The following IL1RAPL1 variants were observed in gnomAD, a reference collection of about 807,000 sequenced individuals.
IL1RAPL1 encodes the protein interleukin-1 receptor accessory protein-like 1.
IL1RAPL1 carries 3 observed loss-of-function variants against 48.4 expected under a neutral mutation model. The ratio of observed to expected loss-of-function variants is 0.06; its 90% CI spans 0.03 to 0.16. The LOEUF (loss-of-function observed/expected upper bound fraction) is 0.16. Ranked by LOEUF, IL1RAPL1 falls within the 10% of genes least tolerant of loss-of-function variation. IL1RAPL1 has a pLI of 1.00. For missense variants in IL1RAPL1, 349 were observed against 530.6 expected (o/e 0.66, Z 3.36); for synonymous variants, 185 against 187.7 (o/e 0.99, Z 0.12).
chrX:29,407,057 C>T (rs1424977895), intron 5 of IL1RAPL1, among the ~76,000 whole-genome samples: 2 of 111,822 alleles, frequency 1.8e-5, no homozygotes, highest in African/African-American at 6.5e-5. Context: ...ATAAGAAATA[C>T]AGAATCCAGT....
chrX:29,946,871 T>C (rs1933222312), intron 9 of IL1RAPL1, among the ~76,000 whole-genome samples: 1 of 112,152 alleles, frequency 8.9e-6, no homozygotes, highest in Non-Finnish European at 1.9e-5. Context: ...TGGGAATGTG[T>C]TTCTAAATTG....
chrX:29,598,444 T>C (rs1410120023), intron 5 of IL1RAPL1, among the ~76,000 whole-genome samples: 2 of 112,106 alleles, frequency 1.8e-5, no homozygotes, highest in East Asian at 2.8e-4. Context: ...TTGTGGCCTA[T>C]TATGTGGTCT....
chrX:29,933,891 G>GAGACTTGA (rs1351952276), intron 8 of IL1RAPL1, among the ~76,000 whole-genome samples: 2 of 110,228 alleles, frequency 1.8e-5, no homozygotes. Context: ...CGTATGAGCA[G>GAGACTTGA]AGACTTGAAG....
At chrX:28,994,379 A>C (rs757688082) in intron 2 of IL1RAPL1, among the ~76,000 whole-genome samples, 37 of 111,728 alleles carry the variant, frequency 3.3e-4, no homozygotes, top group African/African-American at 1.2e-3. Flanking sequence ...TGATTGCCGG[A>C]ATGACTGGAA....
intron 2 of IL1RAPL1, among the ~76,000 whole-genome samples, chrX:28,998,184 TTTAA>T (rs1925765914): frequency 9.0e-6 from 1 of 110,854 alleles, no homozygotes; most frequent in Non-Finnish European, 1.9e-5. Context: ...CTCAGGATGG[TTTAA>T]TTGCCTTAAA....
chrX:29,601,973 T>G (rs1316673549), intron 5 of IL1RAPL1, among the ~76,000 whole-genome samples: 1 of 112,224 alleles, frequency 8.9e-6, no homozygotes, highest in African/African-American at 3.2e-5. Flanking sequence ...TTGTTTGTTT[T>G]TTTGTTTGTT....
chrX:29,904,332 T>C (rs983315349), intron 6 of IL1RAPL1, among the ~76,000 whole-genome samples: 1 of 108,629 alleles, frequency 9.2e-6, no homozygotes, highest in African/African-American at 3.4e-5. Flanking sequence ...TGGACTTAAA[T>C]AAAGATAAAA....
intron 2 of IL1RAPL1, among the ~76,000 whole-genome samples, chrX:29,131,048 C>T (rs982551635): frequency 9.0e-5 from 10 of 111,608 alleles, no homozygotes; most frequent in African/African-American, 3.3e-4. Context: ...GAGAAGAAAA[C>T]CGTGTTTTAC....
intron 5 of IL1RAPL1, among the ~76,000 whole-genome samples, chrX:29,463,207 A>C (rs67606739): frequency 0.073 from 7,575 of 103,964 alleles, 448 homozygotes; most frequent in African/African-American, 0.2. Context: ...AAAAAAAAAA[A>C]CCCACATTAT....
intron 3 of IL1RAPL1, among the ~76,000 whole-genome samples, chrX:29,371,597 C>T (rs1357927425): frequency 4.5e-5 from 5 of 111,704 alleles, no homozygotes; most frequent in African/African-American, 1.3e-4. Context: ...CTGTCCTTCC[C>T]TTTCCCTCTA....
At chrX:29,751,404 T>C (rs1928459274) in intron 6 of IL1RAPL1, among the ~76,000 whole-genome samples, 1 of 111,850 alleles carries the variant, frequency 8.9e-6, no homozygotes, top group Admixed American at 9.6e-5. Context: ...ACTATATGTA[T>C]AAATTTACTA....
intron 2 of IL1RAPL1, among the ~76,000 whole-genome samples, chrX:28,866,430 T>C (rs1431331646): frequency 9.0e-6 from 1 of 111,392 alleles, no homozygotes; most frequent in African/African-American, 3.3e-5. Flanking sequence ...GTTCAGTGTA[T>C]ACTGCTCGGG....
At chrX:28,866,529 T>TAATA (rs56238119) in intron 2 of IL1RAPL1, among the ~76,000 whole-genome samples, 50 of 108,612 alleles carry the variant, frequency 4.6e-4, no homozygotes, top group Admixed American at 7.0e-4. Flanking sequence ...ACTATGGAAA[T>TAATA]AATAAATAAA....
At chrX:29,436,025 T>C (rs181013511) in intron 5 of IL1RAPL1, among the ~76,000 whole-genome samples, 66 of 109,737 alleles carry the variant, frequency 6.0e-4, no homozygotes, top group Admixed American at 2.7e-3. Flanking sequence ...AATACCAATA[T>C]ATAAACCATT....
intron 2 of IL1RAPL1, among the ~76,000 whole-genome samples, chrX:28,854,706 G>A (rs1921758887): frequency 9.0e-6 from 1 of 111,507 alleles, no homozygotes; most frequent in South Asian, 3.8e-4. Context: ...GGCAGGGGAA[G>A]GGGAGAGAAA....
At chrX:29,792,138 C>T (rs748276461) in intron 6 of IL1RAPL1, among the ~76,000 whole-genome samples, 2 of 111,681 alleles carry the variant, frequency 1.8e-5, no homozygotes, top group Admixed American at 9.5e-5. Context: ...TCAGGCTTTT[C>T]TGCTCATTCA....
chrX:29,667,299 T>C (rs774451933), intron 5 of IL1RAPL1, among the ~76,000 whole-genome samples: 1 of 112,095 alleles, frequency 8.9e-6, no homozygotes, highest in Admixed American at 9.5e-5. Context: ...TAATGTGTTT[T>C]CCTTTAAAAA....
intron 8 of IL1RAPL1, 114 bp from the exon 9 acceptor site, chrX:29,941,537 A>AC: frequency 1.3e-6 from 1 of 772,670 alleles, no homozygotes; most frequent in Non-Finnish European, 2.0e-6. Flanking sequence ...GGTTGTGTCA[A>AC]CCCGTTAACC....
At chrX:29,606,071 T>C (rs1602321928) in intron 5 of IL1RAPL1, among the ~76,000 whole-genome samples, 2 of 112,492 alleles carry the variant, frequency 1.8e-5, no homozygotes, top group South Asian at 3.7e-4. Context: ...GAATGATTAC[T>C]TCTAAATATT....
Sources: gnomAD v4.1 joint callset for allele counts (sites outside exome capture counted in the v4.1 genomes callset) on GRCh38, gnomAD v4.1.1 for gene constraint, MANE v1.5 for transcripts, NCBI Gene and HGNC (gene_info 2026-07-23, HGNC 2026-07-21) for gene names.